Variants in SP140L observed in about 807,000 individuals in gnomAD.
SP140L encodes the protein SP140 like nuclear body protein.
In SP140L, 64 loss-of-function variants were observed where a neutral mutation model predicts 84.3. The observed-to-expected ratio is 0.76, with a 90% confidence interval of 0.62 to 0.94. SP140L has a LOEUF of 0.94. SP140L is among the 40% of genes least tolerant of loss of function. The pLI is 0.00. For synonymous variants in SP140L, 242 were observed against 236.9 expected, an observed-to-expected ratio of 1.02 and a Z score of -0.20; for missense variants, 628 against 692.5, an observed-to-expected ratio of 0.91 and a Z score of 1.05.
intron 7 of SP140L, among the ~76,000 whole-genome samples, chr2:230,372,954 T>C (rs778194361): frequency 1.3e-5 from 2 of 152,186 alleles, no homozygotes; most frequent in Admixed American, 6.5e-5. Context: ...AACAGTCTTA[T>C]TGCTGATGTG....
At chr2:230,399,475 C>T (rs1396709795) in intron 14 of SP140L, among the ~76,000 whole-genome samples, 2 of 152,164 alleles carry the variant, frequency 1.3e-5, no homozygotes, top group Non-Finnish European at 2.9e-5. Flanking sequence ...GACACCTTTG[C>T]ACCTTACAAT....
At position 230,385,204 on chromosome 2, in the gene SP140L, T is replaced by A; in HGVS notation, c.704-20T>A. On this transcript the variant is annotated intron_variant, in intron 8 of 18. Coordinates refer to ENST00000415673, the MANE Select transcript of SP140L (RefSeq NM_138402.6). ...GTTCTGCCCAGTTCTATTAATACAT[T>A]TTCCCTTGCCTATCCCCAGATAACA... 8 of 1,612,524 alleles carry A rather than the reference T, an allele frequency of 5.0e-6. No individual in the cohort carries two copies. Among genetic ancestry groups the A allele is most frequent in the Non-Finnish European group, 6.8e-6 (8 of 1,179,074 alleles).
chr2:230,333,373 A>G (rs1388310873), intron 2 of SP140L, among the ~76,000 whole-genome samples: 3 of 151,978 alleles, frequency 2.0e-5, no homozygotes, highest in Non-Finnish European at 4.4e-5. Context: ...TTTGCCAGGA[A>G]GGTCTCAATC....
chr2:230,385,409 A>C, intron 9 of SP140L, 105 bp downstream of exon 9: 1 of 1,042,112 alleles, frequency 9.6e-7, no homozygotes, highest in Non-Finnish European at 1.4e-6. Context: ...AAACTTAGTC[A>C]ATTTCAGAGC....
intron 10 of SP140L, 61 bp downstream of exon 10, chr2:230,388,694 G>A: frequency 2.2e-6 from 3 of 1,390,840 alleles, no homozygotes; most frequent in South Asian, 2.7e-5. Context: ...TGTGCTTTAT[G>A]CTGTATTTTC....
intron 12 of SP140L, among the ~76,000 whole-genome samples, chr2:230,392,849 A>G (rs1413476488): frequency 1.3e-5 from 2 of 152,202 alleles, no homozygotes; most frequent in Admixed American, 1.3e-4. Context: ...TCAGTCTAGA[A>G]TGCTTAGCTC....
At chr2:230,360,112 C>A (rs999890168) in intron 4 of SP140L, among the ~76,000 whole-genome samples, 7 of 152,174 alleles carry the variant, frequency 4.6e-5, no homozygotes, top group African/African-American at 1.7e-4. Context: ...ACAGTTTGAT[C>A]TCAACCCAGT....
chr2:230,386,709 TTG>T lies in SP140L; in HGVS notation c.784+1407_784+1408del, dbSNP rs2061597480. The stretch of plus-strand genomic sequence containing the variant: ...TCCATAGACTAGAGTAGACTTCATG[TTG>T]TTTCTTTTTTCTCCCTAAAAATATG... On this transcript the variant is annotated intron_variant, in intron 9 of 18. Coordinates refer to ENST00000415673, the MANE Select transcript of SP140L (RefSeq NM_138402.6). Among the ~76,000 whole-genome samples, 5 of 152,314 alleles carry T rather than the reference TTG, an allele frequency of 3.3e-5. No homozygotes were observed. The South Asian group carries it at 1.0e-3, about 32-fold the overall frequency.
chr2:230,396,276 G>C (rs1303332447), intron 13 of SP140L, among the ~76,000 whole-genome samples: 2 of 152,040 alleles, frequency 1.3e-5, no homozygotes, highest in Admixed American at 1.3e-4. Context: ...AGATATATAG[G>C]TCCAAAAAAT....
At chr2:230,362,921 T>C (rs1365758552) in intron 5 of SP140L, among the ~76,000 whole-genome samples, 3 of 147,680 alleles carry the variant, frequency 2.0e-5, no homozygotes, top group African/African-American at 7.5e-5. Flanking sequence ...CTGGAGGAAA[T>C]GGTGGCAACT....
intron 7 of SP140L, among the ~76,000 whole-genome samples, chr2:230,380,508 T>G (rs891810290): frequency 2.0e-5 from 3 of 152,166 alleles, no homozygotes; most frequent in Admixed American, 2.0e-4. Flanking sequence ...TACAATGAAA[T>G]GCACAAGTAT....
intron 2 of SP140L, among the ~76,000 whole-genome samples, chr2:230,337,368 A>C (rs141123614): frequency 6.6e-6 from 1 of 151,980 alleles, no homozygotes; most frequent in Admixed American, 6.5e-5. Flanking sequence ...AAATTTGTTT[A>C]AGTTCATTGT....
At chr2:230,366,430 A>G (rs2060872031) in intron 5 of SP140L, among the ~76,000 whole-genome samples, 1 of 151,992 alleles carries the variant, frequency 6.6e-6, no homozygotes, top group East Asian at 1.9e-4. Context: ...TGATATAAGT[A>G]TAGCTACTCC....
At chr2:230,402,685 A>T in intron 18 of SP140L, 113 bp from the exon 19 acceptor site, 1 of 794,762 alleles carries the variant, frequency 1.3e-6, no homozygotes, top group Non-Finnish European at 2.0e-6. Flanking sequence ...ATAAATTGTC[A>T]ACTTACAGTT....
chr2:230,367,278 C>A (rs2060910921), intron 5 of SP140L, among the ~76,000 whole-genome samples: 1 of 141,638 alleles, frequency 7.1e-6, no homozygotes, highest in South Asian at 2.2e-4. Context: ...CTTTTTTTTC[C>A]TTTCTTTCTT....
intron 9 of SP140L, among the ~76,000 whole-genome samples, chr2:230,386,756 GA>G (rs2061598242): frequency 6.6e-6 from 1 of 152,126 alleles, no homozygotes; most frequent in South Asian, 2.1e-4. Flanking sequence ...CAGATTTAAT[GA>G]AAGCTAAATC....
At position 230,327,307 on chromosome 2, in the gene SP140L, T is replaced by C; in HGVS notation, c.32+6T>C. On this transcript the variant is annotated splice_donor_region_variant and intron_variant, in intron 1 of 18. Coordinates refer to ENST00000415673, the MANE Select transcript of SP140L (RefSeq NM_138402.6). ...GGCAGCGACCTGAGCACCAGGTGAG[T>C]CTTTATCTCTCTTCCTTTCACCTTT... is the stretch of plus-strand genomic sequence containing the variant. 1 of 1,609,832 alleles carries C rather than the reference T, an allele frequency of 6.2e-7. No homozygotes were observed. The highest frequency in any genetic ancestry group is 8.5e-7 in the Non-Finnish European group (1 of 1,178,060).
Position 230,400,780 on chromosome 2 carries a change from G to A in SP140L, c.1314-175G>A, listed in dbSNP as rs540042103. On this transcript the variant is annotated intron_variant, in intron 15 of 18. Coordinates refer to ENST00000415673, the MANE Select transcript of SP140L (RefSeq NM_138402.6). ...CTCCTGCTGCTACCACTGATGCGAGGGAAAGGCCAGTGGCTGGAGACCCCA... is the reference window on the plus strand; with the variant it reads ...CTCCTGCTGCTACCACTGATGCGAGAGAAAGGCCAGTGGCTGGAGACCCCA... The A allele has an allele frequency of 2.9e-4, 428 of 1,454,470 alleles. 2 individuals are homozygous for A. The African/African-American group carries it at 5.6e-3, about 19-fold the overall frequency. 90.1% of individuals were successfully genotyped at this position (1,454,470 alleles called of 1,614,324 possible). A position where few individuals can be genotyped will look rare whatever the true frequency, so the allele number is the denominator to read the frequency against.
intron 4 of SP140L, among the ~76,000 whole-genome samples, chr2:230,359,890 A>C (rs1000213520): frequency 7.4e-6 from 1 of 135,476 alleles, no homozygotes; most frequent in Admixed American, 7.5e-5. Flanking sequence ...AAATAATCAC[A>C]AAACTGATTG....
Sources: allele counts gnomAD v4.1 joint callset (sites outside exome capture counted in the v4.1 genomes callset), GRCh38; gene constraint gnomAD v4.1.1; transcripts MANE v1.5; gene names NCBI Gene and HGNC (gene_info 2026-07-23, HGNC 2026-07-21).